Variants in FGF12 observed in about 807,000 individuals in gnomAD.
FGF12 encodes fibroblast growth factor 12.
A neutral mutation model predicts 23.6 loss-of-function variants in FGF12; 14 were observed. The observed-to-expected ratio is 0.59, with a 90% CI of 0.39 to 0.93. The LOEUF (loss-of-function observed/expected upper bound fraction) is 0.93. Ranked by LOEUF, FGF12 falls within the 40% of genes least tolerant of loss-of-function variation. The pLI is 0.00. For missense variants in FGF12, 175 were observed against 217.8 expected (o/e 0.80, Z 1.24); for synonymous variants, 62 against 77.3 (o/e 0.80, Z 1.04).
At chr3:192,259,133 C>T (rs1712587935) in intron 4 of FGF12, among the ~76,000 whole-genome samples, 1 of 152,132 alleles carries the variant, frequency 6.6e-6, no homozygotes, top group Non-Finnish European at 1.5e-5. Context: ...GGCAATTCCT[C>T]TATTTCATCC....
At chr3:192,258,955 C>T (rs1036968627) in intron 4 of FGF12, among the ~76,000 whole-genome samples, 2 of 152,038 alleles carry the variant, frequency 1.3e-5, no homozygotes, top group Non-Finnish European at 2.9e-5. Flanking sequence ...TATATTTATC[C>T]CCCTTATCTG....
chr3:192,647,120 C>T (rs571746457), intron 2 of FGF12, among the ~76,000 whole-genome samples: 5 of 152,166 alleles, frequency 3.3e-5, no homozygotes, highest in South Asian at 4.1e-4. Context: ...AAACTGAAAA[C>T]GCTTTCAGTA....
intron 2 of FGF12, among the ~76,000 whole-genome samples, chr3:192,468,287 T>C (rs1723067818): frequency 6.6e-6 from 1 of 152,200 alleles, no homozygotes; most frequent in Non-Finnish European, 1.5e-5. Context: ...ACTGGTACCA[T>C]AGTAACTAAA....
At chr3:192,161,670 A>AG (rs1407795830) in intron 5 of FGF12, among the ~76,000 whole-genome samples, 1 of 152,146 alleles carries the variant, frequency 6.6e-6, no homozygotes, top group East Asian at 1.9e-4. Context: ...TGTTTAAAAT[A>AG]GGGATAGTAA....
At chr3:192,566,675 TC>T (rs1712307645) in intron 2 of FGF12, among the ~76,000 whole-genome samples, 1 of 152,192 alleles carries the variant, frequency 6.6e-6, no homozygotes, top group African/African-American at 2.4e-5. Context: ...TCATAATATT[TC>T]AAATGGTATT....
rs185801341 is a variant in FGF12, at chr3:192,708,052, T to C, written c.13+19129A>G. Among the ~76,000 whole-genome samples, 32 of 152,218 alleles carry C rather than the reference T, an allele frequency of 2.1e-4. 1 individual carries two copies. The East Asian group carries it at 2.5e-3, about 12-fold the overall frequency. Reference sequence around the variant, plus strand: ...TCGGCTCACTGCAAGCTCCGCCTCCTGGGTTCACTCCATTCTTCTGCCTCA... The same window carrying C: ...TCGGCTCACTGCAAGCTCCGCCTCCCGGGTTCACTCCATTCTTCTGCCTCA... On this transcript the variant is annotated intron_variant, in intron 2 of 5. Coordinates refer to ENST00000445105, the MANE Select transcript of FGF12 (RefSeq NM_004113.6).
chr3:192,217,743 A>C (rs1284859758), intron 4 of FGF12, among the ~76,000 whole-genome samples: 1 of 152,200 alleles, frequency 6.6e-6, no homozygotes, highest in Non-Finnish European at 1.5e-5. Context: ...TAAAATCCTA[A>C]TTTAAAAGGA....
chr3:192,661,028 G>A (rs1464696350), intron 2 of FGF12, among the ~76,000 whole-genome samples: 4 of 151,958 alleles, frequency 2.6e-5, no homozygotes, highest in South Asian at 2.1e-4. Context: ...AACTGGGAAC[G>A]TCTGTTCTGG....
chr3:192,204,884 A>G (rs1717566347), intron 4 of FGF12, among the ~76,000 whole-genome samples: 1 of 152,004 alleles, frequency 6.6e-6, no homozygotes, highest in African/African-American at 2.4e-5. Flanking sequence ...GTGAGACTCC[A>G]TCTCAAAAAG....
intron 2 of FGF12, among the ~76,000 whole-genome samples, chr3:192,717,585 C>G (rs920683776): frequency 5.3e-5 from 8 of 151,764 alleles, no homozygotes; most frequent in African/African-American, 1.7e-4. Context: ...GTTTTTTTCC[C>G]CATAAAGCAT....
chr3:192,531,704 A>T (rs944500799), intron 2 of FGF12, among the ~76,000 whole-genome samples: 6 of 152,214 alleles, frequency 3.9e-5, no homozygotes, highest in African/African-American at 1.2e-4. Flanking sequence ...TTATATTTTG[A>T]AAGGAAGTTA....
chr3:192,646,852 A>G (rs1043390422), intron 2 of FGF12, among the ~76,000 whole-genome samples: 1 of 152,102 alleles, frequency 6.6e-6, no homozygotes, highest in Non-Finnish European at 1.5e-5. Flanking sequence ...TAAATGGGTA[A>G]ACTTTACGGT....
At chr3:192,541,140 A>G (rs1725353644) in intron 2 of FGF12, among the ~76,000 whole-genome samples, 1 of 152,054 alleles carries the variant, frequency 6.6e-6, no homozygotes. Flanking sequence ...GTTATTGATA[A>G]GCAAGGACTT....
At chr3:192,273,249 CA>C (rs1212031442) in intron 4 of FGF12, among the ~76,000 whole-genome samples, 2 of 152,112 alleles carry the variant, frequency 1.3e-5, no homozygotes, top group African/African-American at 4.8e-5. Flanking sequence ...TGTATTTATA[CA>C]TATGAATGAG....
intron 4 of FGF12, among the ~76,000 whole-genome samples, chr3:192,219,295 G>A (rs2108571130): frequency 6.6e-6 from 1 of 152,056 alleles, no homozygotes; most frequent in East Asian, 1.9e-4. Flanking sequence ...ATGTTGGCCA[G>A]GCTGGTCTCG....
intron 2 of FGF12, among the ~76,000 whole-genome samples, chr3:192,664,802 G>GC (rs1716802936): frequency 6.6e-6 from 1 of 151,858 alleles, no homozygotes; most frequent in South Asian, 2.1e-4. Context: ...CAAAAAGCCA[G>GC]CCCCAAATAG....
chr3:192,379,531 G>A (rs1377095682), intron 2 of FGF12, among the ~76,000 whole-genome samples: 3 of 151,644 alleles, frequency 2.0e-5, no homozygotes, highest in African/African-American at 4.9e-5. Context: ...CACTAAAAGA[G>A]CTCTCAATCC....
At chr3:192,548,625 T>C (rs76642742) in intron 2 of FGF12, among the ~76,000 whole-genome samples, 4,003 of 152,254 alleles carry the variant, frequency 0.026, 179 homozygotes, top group African/African-American at 0.091. Flanking sequence ...TTAATCAAGG[T>C]ATGTATTAGC....
chr3:192,463,591 T>G (rs2108809001), intron 2 of FGF12, among the ~76,000 whole-genome samples: 1 of 152,326 alleles, frequency 6.6e-6, no homozygotes, highest in African/African-American at 2.4e-5. Flanking sequence ...AGCTGCCAGT[T>G]GCACTTAACA....
Sources: allele counts gnomAD v4.1 joint callset (sites outside exome capture counted in the v4.1 genomes callset), GRCh38; gene constraint gnomAD v4.1.1; transcripts MANE v1.5; gene names NCBI Gene and HGNC (gene_info 2026-07-23, HGNC 2026-07-21).